ITPRID2: variants seen among roughly 807,000 people sequenced by gnomAD.
ITPRID2 encodes ITPR interacting domain containing 2.
ITPRID2 carries 60 observed loss-of-function variants against 124.3 expected under a neutral mutation model. The ratio of observed to expected loss-of-function variants is 0.48; its 90% CI spans 0.39 to 0.60. The LOEUF (loss-of-function observed/expected upper bound fraction) is 0.60. Among genes scored for constraint, ITPRID2 ranks in the 20% least tolerant of loss-of-function variants. The pLI, the probability that ITPRID2 is intolerant of heterozygous loss-of-function variation, is 0.00. For missense variants in ITPRID2, 1,553 were observed against 1,512.2 expected (o/e 1.03, Z -0.45); for synonymous variants, 521 against 542.9 (o/e 0.96, Z 0.56).
intron 2 of ITPRID2, among the ~76,000 whole-genome samples, chr2:181,894,957 T>C (rs1180137475): frequency 1.3e-5 from 2 of 152,118 alleles, no homozygotes; most frequent in Non-Finnish European, 2.9e-5. Flanking sequence ...GGATGACTTT[T>C]TAAAGACATA....
rs1692603600 is a variant in ITPRID2, at chr2:181,900,839, TTAAAG to T, written c.650_654del (p.Lys217IlefsTer26). 1 of 1,613,132 alleles carries T rather than the reference TTAAAG, an allele frequency of 6.2e-7. No homozygotes were observed. The highest frequency in any genetic ancestry group is 8.5e-7 in the Non-Finnish European group (1 of 1,179,584). ...TCATCCTTTGCCAAAGGGATAGATA[TTAAAG>T]TATTTTTGAGTGCTCAGATGCAACG... On this transcript the variant is annotated frameshift_variant, in exon 7 of 18. Transcript: ENST00000431877. LOFTEE classifies it high-confidence loss of function.
intron 8 of ITPRID2, among the ~76,000 whole-genome samples, chr2:181,909,400 T>C (rs1381924132): frequency 1.3e-5 from 2 of 152,226 alleles, no homozygotes; most frequent in Non-Finnish European, 2.9e-5. Context: ...CATAATGTGC[T>C]GTAGTGAGTG....
chr2:181,921,514 C>T (rs1221871338), intron 15 of ITPRID2, among the ~76,000 whole-genome samples: 1 of 152,058 alleles, frequency 6.6e-6, no homozygotes, highest in Non-Finnish European at 1.5e-5. Context: ...ATTTACATTT[C>T]AGGAGACATG....
At chr2:181,927,391 G>A (rs1032731335) in intron 16 of ITPRID2, among the ~76,000 whole-genome samples, 2 of 152,164 alleles carry the variant, frequency 1.3e-5, no homozygotes, top group Admixed American at 1.3e-4. Context: ...AGAGAGAAAA[G>A]GTGGAGATAG....
chr2:181,925,495 G>A (rs1694778846), intron 16 of ITPRID2, among the ~76,000 whole-genome samples: 1 of 152,060 alleles, frequency 6.6e-6, no homozygotes, highest in African/African-American at 2.4e-5. Flanking sequence ...TAAAGACATT[G>A]TATCATTTTC....
At chr2:181,920,076 A>G (rs2125106442) in intron 14 of ITPRID2, among the ~76,000 whole-genome samples, 1 of 152,228 alleles carries the variant, frequency 6.6e-6, no homozygotes, top group South Asian at 2.1e-4. Flanking sequence ...ATTTTTGCAA[A>G]TATCTTTGAA....
chr2:181,928,298 T>C lies in ITPRID2; in HGVS notation c.*13+20T>C. Reference sequence around the variant, plus strand: ...TTATAGGTAAATTTTTCTGAGTTTCTTTGTTGAGCTAAATGTAAATAGTAA... The same window carrying C: ...TTATAGGTAAATTTTTCTGAGTTTCCTTGTTGAGCTAAATGTAAATAGTAA... On this transcript the variant is annotated intron_variant, in intron 17 of 17. Transcript: ENST00000431877. 1 of 1,397,776 alleles carries C rather than the reference T, an allele frequency of 7.2e-7. No individual in the cohort carries two copies. The highest frequency in any genetic ancestry group is 1.3e-5 in the South Asian group (1 of 76,912). 86.6% of individuals were successfully genotyped at this position (1,397,776 alleles called of 1,614,324 possible). A position where few individuals can be genotyped will look rare whatever the true frequency, so the allele number is the denominator to read the frequency against.
Position 181,930,459 on chromosome 2 carries a change from G to GAA in ITPRID2, c.*919_*920dup, listed in dbSNP as rs141523951. On this transcript the variant is annotated 3_prime_UTR_variant, in exon 18 of 18. Coordinates refer to ENST00000431877, the MANE Select transcript of ITPRID2 (RefSeq NM_001130445.3). ...TAACCAGTGAAAACTTTGTTTTTAT[G>GAA]AAAAAAAAGGAAAATGGTTTCCCAT... 4.6e-5 allele frequency: 7 copies of GAA among 151,668 alleles called. No individual in the cohort carries two copies. Among genetic ancestry groups the GAA allele is most frequent in the African/African-American group, 1.7e-4 (7 of 41,226 alleles). The allele number at this position is 151,668 out of a possible 1,614,324, so 9.4% of individuals were successfully genotyped here.
chr2:181,915,852 C>T lies in ITPRID2; in HGVS notation c.2212C>T (p.Gln738Ter). 6 of 1,614,222 alleles carry T rather than the reference C, an allele frequency of 3.7e-6. No homozygotes were observed. The highest frequency in any genetic ancestry group is 5.1e-6 in the Non-Finnish European group (6 of 1,180,040). ...AGCTGGCTATCCTCTAAGAAGGTCTCAGTCTTTACCAACCACCTTATTGAG... is the reference window on the plus strand; with the variant it reads ...AGCTGGCTATCCTCTAAGAAGGTCTTAGTCTTTACCAACCACCTTATTGAG... The part of the protein sequence containing the change: ...AKAGYPLRRS[Q>*]SLPTTLLSPV... The change falls in exon 11 of 18, where the codon CAG (glutamine) becomes TAG (stop). Residue 738 changes from glutamine (Q) to a stop codon, truncating the protein, a stop_gained. Coordinates refer to ENST00000431877, the MANE Select transcript of ITPRID2 (RefSeq NM_001130445.3). LOFTEE classifies it high-confidence loss of function.
In ITPRID2 at chr2:181,900,896, C is replaced by CT; in HGVS notation, c.707dup (p.Leu236PhefsTer9). 6.2e-7 allele frequency: 1 copy of CT among 1,605,158 alleles called. No homozygotes were observed. The highest frequency in any genetic ancestry group is 8.5e-7 in the Non-Finnish European group (1 of 1,176,970). ...ATGGAAGTAGAAAACCCAAATTATG[C>CT]TTTAACAAGTAAGATTTTTAAGTGT... On this transcript the variant is annotated frameshift_variant, in exon 7 of 18. Transcript: ENST00000431877. LOFTEE classifies it high-confidence loss of function.
At chr2:181,918,391 G>T (rs933969845) in intron 11 of ITPRID2, 68 of 1,340,732 alleles carry the variant, frequency 5.1e-5, no homozygotes, top group Non-Finnish European at 6.2e-5. Context: ...CTCCCACGTA[G>T]ATTGACTTAT....
rs1417628514 is a variant in ITPRID2, at chr2:181,921,992, G to T, written c.3255G>T (p.Leu1085Phe). 6.2e-7 allele frequency: 1 copy of T among 1,614,062 alleles called. No homozygotes were observed. Among genetic ancestry groups the T allele is most frequent in the Non-Finnish European group, 8.5e-7 (1 of 1,180,034 alleles). ...MQEQSYLKSE[L>F]GLGLGEMGFE... ...AGCAGTCATACCTGAAGTCTGAATT[G>T]GGCCTGGGACTTGGAGAAATGGGAT... Residue 1085 changes from leucine (L) to phenylalanine (F), a missense_variant, in exon 16 of 18, where the codon TTG becomes TTT. Coordinates refer to ENST00000431877, the MANE Select transcript of ITPRID2 (RefSeq NM_001130445.3).
rs2288330 is a variant in ITPRID2, at chr2:181,919,267, C to A, written c.2994-29C>A. 59,953 of 1,610,136 alleles carry A rather than the reference C, an allele frequency of 0.037. 2,082 individuals carry two copies. The highest frequency in any genetic ancestry group is 0.13 in the African/African-American group (9,561 of 74,810). On this transcript the variant is annotated intron_variant, in intron 13 of 17. Transcript: ENST00000431877. The surrounding 1 kb of genome is among the most constrained non-coding windows in gnomAD (Gnocchi z 4.2). Reference sequence around the variant, plus strand: ...TAGGAATCTCCAAACTGCATTTTTCCAATTTTGTGCCCTTCACCATACCAA... The same window carrying A: ...TAGGAATCTCCAAACTGCATTTTTCAAATTTTGTGCCCTTCACCATACCAA...
At chr2:181,903,852 C>T (rs1692877051) in intron 8 of ITPRID2, among the ~76,000 whole-genome samples, 1 of 152,114 alleles carries the variant, frequency 6.6e-6, no homozygotes, top group Non-Finnish European at 1.5e-5. Flanking sequence ...TTGGTCTAAA[C>T]TTGTTCCAGC....
chr2:181,918,934 C>G, intron 13 of ITPRID2, 52 bp downstream of exon 13: 1 of 1,587,954 alleles, frequency 6.3e-7, no homozygotes, highest in South Asian at 1.2e-5. Context: ...CATTCAAAGT[C>G]TTCTCAACTT....
intron 2 of ITPRID2, among the ~76,000 whole-genome samples, chr2:181,894,998 A>C (rs1692070009): frequency 6.6e-6 from 1 of 152,130 alleles, no homozygotes; most frequent in African/African-American, 2.4e-5. Context: ...ATATGCAAAA[A>C]ATAGATTAAA....
At chr2:181,898,747 G>A (rs1692415504) in intron 4 of ITPRID2, 133 bp from the exon 5 acceptor site, 7 of 735,412 alleles carry the variant, frequency 9.5e-6, no homozygotes, top group African/African-American at 1.8e-5. Flanking sequence ...AGATTTAATG[G>A]ACCAAGATAA....
chr2:181,893,683 T>G (rs924453390), intron 2 of ITPRID2: 4 of 152,192 alleles, frequency 2.6e-5, no homozygotes, highest in Admixed American at 1.3e-4. Flanking sequence ...AACTTCTGTT[T>G]AAAGATGCAC....
chr2:181,892,398 G>A lies in ITPRID2; in HGVS notation c.211+121G>A, dbSNP rs752255766. The A allele has an allele frequency of 2.2e-5, 27 of 1,242,762 alleles. No individual in the cohort carries two copies. Among genetic ancestry groups the A allele is most frequent in the Non-Finnish European group, 3.0e-5 (27 of 906,304 alleles). 77.0% of individuals were successfully genotyped at this position (1,242,762 alleles called of 1,614,324 possible). ...GGCACGGTAGGCCGAGGGGAGAGGGGACACTTCCGACCTTCAAACGCGCGC... is the reference window on the plus strand; with the variant it reads ...GGCACGGTAGGCCGAGGGGAGAGGGAACACTTCCGACCTTCAAACGCGCGC... On this transcript the variant is annotated intron_variant, in intron 1 of 17. Coordinates refer to ENST00000431877, the MANE Select transcript of ITPRID2 (RefSeq NM_001130445.3). This position sits in a 1 kb window ranked among gnomAD's most constrained non-coding sequence, Gnocchi z 5.2.
Sources: gnomAD v4.1 joint callset for allele counts (sites outside exome capture counted in the v4.1 genomes callset) on GRCh38, gnomAD v4.1.1 for gene constraint, Gnocchi (gnomAD v3.1) non-coding constraint, MANE v1.5 for transcripts, NCBI Gene and HGNC (gene_info 2026-07-23, HGNC 2026-07-21) for gene names.